Variants in OLR1 observed in about 807,000 individuals in gnomAD.
OLR1 encodes the protein oxidized low density lipoprotein receptor 1.
OLR1 carries 23 observed loss-of-function variants against 31.7 expected under a neutral mutation model. The observed-to-expected ratio is 0.72, with a 90% CI of 0.52 to 1.03. The LOEUF (loss-of-function observed/expected upper bound fraction) is 1.03, where lower values mean the gene tolerates loss of function less well. OLR1 is among the 50% of genes least tolerant of loss of function. The pLI, the probability that OLR1 is intolerant of heterozygous loss-of-function variation, is 0.00. For synonymous variants in OLR1, 117 were observed against 115.8 expected, an observed-to-expected ratio of 1.01 and a Z score of -0.07; for missense variants, 286 against 315.7, an observed-to-expected ratio of 0.91 and a Z score of 0.71.
chr12:10,165,330 T>C (rs1591981456), intron 3 of OLR1, among the ~76,000 whole-genome samples: 2 of 151,310 alleles, frequency 1.3e-5, no homozygotes, highest in Admixed American at 6.6e-5. Flanking sequence ...CTTGGGAGTC[T>C]GAGACATGAG....
Position 10,172,046 on chromosome 12 carries a change from A to G in OLR1, c.32T>C (p.Val11Ala), listed in dbSNP as rs779706155. The change falls in exon 1 of 6, where the codon GTG becomes GCG. Residue 11 changes from valine to alanine, a missense_variant. Transcript: ENST00000309539. MTFDDLKIQT[V>A]KDQPDEKSNG... ...TGACTTCTCATCAGGCTGGTCCTTC[A>G]CAGTCTGGATCTTTAGGTCATCAAA... 11 of 1,613,760 alleles carry G rather than the reference A, an allele frequency of 6.8e-6. No homozygotes were observed. The highest frequency in any genetic ancestry group is 8.5e-6 in the Non-Finnish European group (10 of 1,179,838).
rs35023147 is a variant in OLR1 at position 10,161,946 on chromosome 12, A to ATATATATATATAT, written c.425-1022_425-1021insATATATATATATA. On this transcript the variant is annotated intron_variant, in intron 3 of 5. Coordinates refer to ENST00000309539, the MANE Select transcript of OLR1 (RefSeq NM_002543.4). ...AATGATATATATATATATATATATA[A>ATATATATATATAT]AAAACACATACTATATTTCTTTTGT... 2.4e-3 allele frequency among the ~76,000 whole-genome samples: 194 copies of ATATATATATATAT among 82,102 alleles called. 1 individual carries two copies. Among genetic ancestry groups the ATATATATATATAT allele is most frequent in the Middle Eastern group, 8.1e-3 (1 of 124 alleles). The allele number at this position is 82,102 out of a possible 152,430, so 53.9% of individuals were successfully genotyped here.
At chr12:10,174,305 C>T (rs1235140997), upstream of OLR1, among the ~76,000 whole-genome samples, 6 of 152,110 alleles carry the variant, frequency 3.9e-5, no homozygotes, top group East Asian at 1.9e-4. Context: ...TCAAGTGATC[C>T]GCCTGCCTCA....
intron 3 of OLR1, among the ~76,000 whole-genome samples, chr12:10,164,461 C>T (rs971047887): frequency 2.6e-5 from 4 of 152,204 alleles, no homozygotes; most frequent in Admixed American, 6.5e-5. Flanking sequence ...TCACTTTATC[C>T]GGGTCTCAGT....
intron 1 of OLR1, 108 bp from the exon 2 acceptor site, chr12:10,169,283 G>T: frequency 1.5e-6 from 1 of 669,896 alleles, no homozygotes; most frequent in Non-Finnish European, 2.4e-6. Flanking sequence ...TTATGTTTTA[G>T]TAAATAGACA....
chr12:10,168,911 A>G (rs534487238), intron 2 of OLR1, among the ~76,000 whole-genome samples, 163 bp downstream of exon 2: 1 of 152,320 alleles, frequency 6.6e-6, no homozygotes, highest in South Asian at 2.1e-4. Flanking sequence ...TGAACAATAT[A>G]CCCCTTTATT....
At chr12:10,171,485 T>C (rs1948716476) in intron 1 of OLR1, among the ~76,000 whole-genome samples, 1 of 152,214 alleles carries the variant, frequency 6.6e-6, no homozygotes, top group Non-Finnish European at 1.5e-5. Flanking sequence ...TTACTTTGCC[T>C]GCATAATTCA....
chr12:10,175,073 A>C (rs1948756155), upstream of OLR1, among the ~76,000 whole-genome samples: 5 of 152,122 alleles, frequency 3.3e-5, no homozygotes, highest in African/African-American at 1.2e-4. Flanking sequence ...AGATTTGAAA[A>C]ATTTTAGAGG....
At chr12:10,168,790 G>C (rs762553972) in intron 2 of OLR1, among the ~76,000 whole-genome samples, 1 of 151,890 alleles carries the variant, frequency 6.6e-6, no homozygotes, top group African/African-American at 2.4e-5. Flanking sequence ...CACCGCACCC[G>C]GCCTATCCAT....
chr12:10,164,634 C>G (rs909404178), intron 3 of OLR1, among the ~76,000 whole-genome samples: 2 of 152,178 alleles, frequency 1.3e-5, no homozygotes, highest in Admixed American at 6.5e-5. Context: ...CAATAGGGCA[C>G]TAATTTACGC....
chr12:10,159,720 G>T lies in OLR1; in HGVS notation c.*160C>A, dbSNP rs935182876. ...TAGAATCAAAAATGTTGACATAAAG[G>T]TGCCAGGCTCCTGGAACCCCAGTTT... On this transcript the variant is annotated 3_prime_UTR_variant, in exon 6 of 6. Transcript: ENST00000309539. 14 of 566,660 alleles carry T rather than the reference G, an allele frequency of 2.5e-5. No individual in the cohort carries two copies. The South Asian group carries it at 4.4e-4, about 18-fold the overall frequency. The allele number at this position is 566,660 out of a possible 1,614,324, so 35.1% of individuals were successfully genotyped here. A position where few individuals can be genotyped will look rare whatever the true frequency, so the allele number is the denominator to read the frequency against.
chr12:10,160,217 G>T, intron 5 of OLR1, 130 bp downstream of exon 5: 1 of 926,424 alleles, frequency 1.1e-6, no homozygotes, highest in Non-Finnish European at 1.6e-6. Flanking sequence ...AGGAGACTTT[G>T]AGAAATTCCC....
intron 4 of OLR1, 106 bp downstream of exon 4, chr12:10,160,680 C>CA: frequency 7.0e-7 from 1 of 1,435,732 alleles, no homozygotes; most frequent in Non-Finnish European, 9.6e-7. Context: ...GCTAAAAAAA[C>CA]AGACATTTTG....
chr12:10,171,879 T>C, intron 1 of OLR1, 123 bp downstream of exon 1: 1 of 636,082 alleles, frequency 1.6e-6, no homozygotes. Flanking sequence ...TTTAAGTAAA[T>C]GGTATTAATT....
intron 3 of OLR1, among the ~76,000 whole-genome samples, chr12:10,162,440 A>C (rs549549401): frequency 6.5e-4 from 99 of 152,354 alleles, no homozygotes; most frequent in African/African-American, 2.3e-3. Flanking sequence ...ACTGATGCTT[A>C]TGAAAAGAAA....
At chr12:10,162,842 G>T (rs900859299) in intron 3 of OLR1, among the ~76,000 whole-genome samples, 2 of 152,080 alleles carry the variant, frequency 1.3e-5, no homozygotes, top group African/African-American at 4.8e-5. Context: ...AATATATTTA[G>T]ATGTATATAA....
chr12:10,172,074 T>C lies in OLR1; in HGVS notation c.4A>G (p.Thr2Ala). ...GTCTGGATCTTTAGGTCATCAAAAG[T>C]CATTTCCAAATTCAAGCTAAGAATG... M[T>A]FDDLKIQTVK... Residue 2 changes from threonine (T) to alanine (A), a missense_variant, in exon 1 of 6, where the codon ACT becomes GCT. Physicochemically the swap from Thr to Ala is moderately conservative, Grantham distance 58. Transcript: ENST00000309539. 1 of 1,612,998 alleles carries C rather than the reference T, an allele frequency of 6.2e-7. No homozygotes were observed. The highest frequency in any genetic ancestry group is 1.7e-5 in the Admixed American group (1 of 59,988).
intron 3 of OLR1, among the ~76,000 whole-genome samples, chr12:10,165,270 A>G (rs1360408080): frequency 6.7e-6 from 1 of 149,594 alleles, no homozygotes; most frequent in African/African-American, 2.5e-5. Context: ...CTCAAAAAAA[A>G]AAAAAGAAAA....
At chr12:10,160,281 C>A in intron 5 of OLR1, 66 bp downstream of exon 5, 1 of 1,295,056 alleles carries the variant, frequency 7.7e-7, no homozygotes, top group South Asian at 1.3e-5. Flanking sequence ...GCAGTGACCT[C>A]ACTAGCAGGT....
Sources: gnomAD v4.1 joint callset for allele counts (sites outside exome capture counted in the v4.1 genomes callset) on GRCh38, gnomAD v4.1.1 for gene constraint, MANE v1.5 for transcripts, NCBI Gene and HGNC (gene_info 2026-07-23, HGNC 2026-07-21) for gene names.